Variants in SYNE2 observed in about 807,000 individuals in gnomAD.
SYNE2 encodes spectrin repeat containing nuclear envelope protein 2.
A neutral mutation model predicts 856.3 loss-of-function variants in SYNE2; 431 were observed. The observed-to-expected ratio is 0.50, with a 90% CI of 0.47 to 0.55. The LOEUF is 0.55. SYNE2 is among the 20% of genes least tolerant of loss of function. SYNE2 has a pLI of 0.00. For synonymous variants in SYNE2, 2,923 were observed against 2,872.3 expected (o/e 1.02, Z -0.56); for missense variants, 8,129 against 8,023.2 (o/e 1.01, Z -0.50).
At chr14:64,196,907 C>G (rs1416588973) in intron 99 of SYNE2, 1 of 152,230 alleles carries the variant, frequency 6.6e-6, no homozygotes, top group Non-Finnish European at 1.5e-5. Flanking sequence ...GCTGGCATTG[C>G]CCTGTGCCTG....
At chr14:63,815,303 C>A (rs1888933320) in intron 1 of SYNE2, among the ~76,000 whole-genome samples, 1 of 82,232 alleles carries the variant, frequency 1.2e-5, no homozygotes, top group Non-Finnish European at 2.9e-5. Context: ...TCACAAGTTC[C>A]CATATAGGCC....
rs1039747139 is a variant in SYNE2 at position 63,976,664 on chromosome 14, G to A, written c.1230G>A (p.Leu410=). 5.6e-6 allele frequency: 9 copies of A among 1,605,844 alleles called. No homozygotes were observed. The African/African-American group carries it at 1.2e-4, about 22-fold the overall frequency. The change falls in exon 12 of 116, where the codon TTG becomes TTA. Residue 410 remains leucine, a synonymous_variant. Transcript: ENST00000555002. The part of the protein sequence containing the change: ...QEVEELMDED[L]SASQDHSQAV... ...TAGAAGAGCTTATGGATGAAGATTT[G>A]TCAGCCTCCCAGGATCACTCTCAAG...
At position 64,217,996 on chromosome 14, in the gene SYNE2, A is replaced by G. The variant is rs543511903; in HGVS notation, c.19543-402A>G. Among the ~76,000 whole-genome samples, 7 of 152,332 alleles carry G rather than the reference A, an allele frequency of 4.6e-5. No individual in the cohort carries two copies. In the East Asian group the frequency reaches 1.4e-3, roughly 29 times the overall value. ...ATAATGATGCCAACCACCTCTACAG[A>G]GTGACAGGGATAACTAAAATTCTGT... is the stretch of plus-strand genomic sequence containing the variant. On this transcript the variant is annotated intron_variant, in intron 108 of 115. Transcript: ENST00000555002.
At chr14:63,907,201 T>G (rs569790533) in intron 1 of SYNE2, among the ~76,000 whole-genome samples, 3 of 152,210 alleles carry the variant, frequency 2.0e-5, no homozygotes, top group Non-Finnish European at 2.9e-5. Context: ...TTCTGTTCAT[T>G]TATCATTCTC....
At chr14:64,144,366 G>T (rs2098164315) in intron 83 of SYNE2, among the ~76,000 whole-genome samples, 1 of 152,168 alleles carries the variant, frequency 6.6e-6, no homozygotes. Context: ...CATGACTCTT[G>T]AAAAGATTCG....
intron 85 of SYNE2, among the ~76,000 whole-genome samples, chr14:64,157,589 T>G (rs1340826034): frequency 6.6e-6 from 1 of 152,230 alleles, no homozygotes; most frequent in Non-Finnish European, 1.5e-5. Flanking sequence ...TTTAATTCTC[T>G]TGTGTGTATA....
chr14:63,849,192 T>C (rs543259584), upstream of SYNE2, among the ~76,000 whole-genome samples: 5 of 152,256 alleles, frequency 3.3e-5, no homozygotes, highest in South Asian at 2.1e-4. Context: ...GTAAAAAATA[T>C]TGTAGCCAAA....
In SYNE2 at chr14:64,219,192, GA is replaced by G. The variant is rs1218138443; in HGVS notation, c.19658-15del. 1.3e-6 allele frequency: 2 copies of G among 1,574,380 alleles called. No individual in the cohort carries two copies. The highest frequency in any genetic ancestry group is 1.7e-6 in the Non-Finnish European group (2 of 1,160,292). ...TGCATTATTGCTTTTTTTAATTGGC[GA>G]TTTTTTAATTCCAGGTGCCTTCGAC... On this transcript the variant is annotated splice_polypyrimidine_tract_variant and intron_variant, in intron 109 of 115. Transcript: ENST00000555002.
intron 56 of SYNE2, 21 bp from the exon 57 acceptor site, chr14:64,081,421 TG>T: frequency 6.2e-7 from 1 of 1,614,072 alleles, no homozygotes; most frequent in Non-Finnish European, 8.5e-7. Context: ...TGACTAAGTT[TG>T]GTCCTGCATC....
At chr14:64,205,565 A>G (rs1046670888) in intron 100 of SYNE2, among the ~76,000 whole-genome samples, 3 of 152,200 alleles carry the variant, frequency 2.0e-5, no homozygotes, top group Non-Finnish European at 4.4e-5. Context: ...TCAGCCCCCA[A>G]AAGTAGCTAA....
intron 1 of SYNE2, among the ~76,000 whole-genome samples, chr14:63,815,948 CTTTTTTT>C (rs34053312): frequency 8.5e-5 from 11 of 128,922 alleles, no homozygotes; most frequent in Non-Finnish European, 1.5e-4. Context: ...TTAAATTATT[CTTTTTTT>C]TTTTTTTTTT....
intron 107 of SYNE2, 87 bp downstream of exon 107, chr14:64,215,441 C>G (rs975878173): frequency 1.3e-5 from 17 of 1,323,118 alleles, no homozygotes; most frequent in Middle Eastern, 1.8e-4. Flanking sequence ...TCGTGTCTAC[C>G]TCTGCCTTCT....
intron 1 of SYNE2, among the ~76,000 whole-genome samples, chr14:63,783,248 G>A (rs1887385415): frequency 6.6e-6 from 1 of 152,138 alleles, no homozygotes; most frequent in South Asian, 2.1e-4. Context: ...TCTCCTTTTT[G>A]CGGCCTTGTG....
intron 1 of SYNE2, among the ~76,000 whole-genome samples, chr14:63,823,422 C>G (rs1420833399): frequency 6.6e-6 from 1 of 152,060 alleles, no homozygotes; most frequent in African/African-American, 2.4e-5. Flanking sequence ...GGTGATTCAC[C>G]CACCTCAGCC....
intron 99 of SYNE2, 53 bp downstream of exon 99, chr14:64,190,290 G>A: frequency 1.9e-6 from 3 of 1,607,744 alleles, no homozygotes; most frequent in Non-Finnish European, 2.6e-6. Context: ...TTACTTTACA[G>A]ATCTAGTAAA....
chr14:63,836,587 C>T (rs565312715), intron 1 of SYNE2, among the ~76,000 whole-genome samples: 6 of 152,264 alleles, frequency 3.9e-5, no homozygotes, highest in Admixed American at 3.3e-4. Flanking sequence ...CCTTCACTGA[C>T]ACCCTAAAGT....
At chr14:64,128,298 T>C (rs1408861828) in intron 73 of SYNE2, among the ~76,000 whole-genome samples, 154 bp from the exon 74 acceptor site, 2 of 152,162 alleles carry the variant, frequency 1.3e-5, no homozygotes, top group Admixed American at 1.3e-4. Flanking sequence ...AATCAATAAT[T>C]GTTGAAGTTT....
chr14:63,854,706 ATTGT>A (rs753759946), intron 1 of SYNE2, among the ~76,000 whole-genome samples: 16 of 152,236 alleles, frequency 1.1e-4, no homozygotes, highest in Non-Finnish European at 2.1e-4. Context: ...TAGCCTTAAA[ATTGT>A]TTGAAAAATC....
At chr14:64,015,499 A>C (rs1204870155) in intron 32 of SYNE2, among the ~76,000 whole-genome samples, 1 of 152,050 alleles carries the variant, frequency 6.6e-6, no homozygotes, top group Non-Finnish European at 1.5e-5. Flanking sequence ...GCATTAACTT[A>C]TTATCTGCTT....
Sources: allele counts gnomAD v4.1 joint callset (sites outside exome capture counted in the v4.1 genomes callset), GRCh38; gene constraint gnomAD v4.1.1; transcripts MANE v1.5; gene names NCBI Gene and HGNC (gene_info 2026-07-23, HGNC 2026-07-21).